Variants in NPEPPS observed in about 807,000 individuals in gnomAD.
NPEPPS encodes the protein puromycin-sensitive aminopeptidase.
A neutral mutation model predicts 115.5 loss-of-function variants in NPEPPS; 14 were observed. That is an observed-to-expected ratio of 0.12 (90% CI 0.08 to 0.19). The LOEUF (loss-of-function observed/expected upper bound fraction) is 0.19, where lower values mean the gene tolerates loss of function less well. Among genes scored for constraint, NPEPPS ranks in the 10% least tolerant of loss-of-function variants. The pLI is 1.00. For missense variants in NPEPPS, 523 were observed against 1,110.8 expected (o/e 0.47, Z 7.52); for synonymous variants, 285 against 390.6 (o/e 0.73, Z 3.19).
intron 2 of NPEPPS, among the ~76,000 whole-genome samples, chr17:47,556,762 G>A (rs1382054238): frequency 1.3e-5 from 2 of 152,196 alleles, no homozygotes; most frequent in African/African-American, 4.8e-5. Context: ...TCTTGCCTCT[G>A]CCTCCCAAGT....
chr17:47,600,271 A>AAAATAAAT (rs568486922), intron 14 of NPEPPS, among the ~76,000 whole-genome samples: 1 of 152,170 alleles, frequency 6.6e-6, no homozygotes, highest in East Asian at 1.9e-4. Context: ...TCATCTCAAA[A>AAAATAAAT]AAATAAATAA....
In NPEPPS at chr17:47,604,068, A is replaced by G; in HGVS notation, c.1875+19A>G. ...CTCCTTGGTGAGCATCTGTGACTTA[A>G]GTAATATGATGGATTTTGCTGATTA... On this transcript the variant is annotated intron_variant, in intron 16 of 22. Coordinates refer to ENST00000322157, the MANE Select transcript of NPEPPS (RefSeq NM_006310.4). 1 of 1,597,348 alleles carries G rather than the reference A, an allele frequency of 6.3e-7. No individual in the cohort carries two copies. The highest frequency in any genetic ancestry group is 8.6e-7 in the Non-Finnish European group (1 of 1,169,074).
upstream of NPEPPS, among the ~76,000 whole-genome samples, chr17:47,527,750 T>G (rs975202014): frequency 2.7e-5 from 4 of 148,538 alleles, no homozygotes; most frequent in African/African-American, 5.0e-5. Flanking sequence ...AAAGAAAAAA[T>G]AAACAAGAAA....
At chr17:47,552,233 G>T (rs1042407582) in intron 2 of NPEPPS, among the ~76,000 whole-genome samples, 1 of 152,054 alleles carries the variant, frequency 6.6e-6, no homozygotes, top group Non-Finnish European at 1.5e-5. Flanking sequence ...AAAGTGCTGG[G>T]ATTACAGATA....
At position 47,622,199 on chromosome 17, in the gene NPEPPS, T is replaced by C. The variant is rs539258699; in HGVS notation, c.*279T>C. 1.1e-4 allele frequency: 76 copies of C among 676,790 alleles called. No homozygotes were observed. In the African/African-American group the frequency reaches 1.3e-3, roughly 12 times the overall value. The allele number at this position is 676,790 out of a possible 1,614,324, so 41.9% of individuals were successfully genotyped here. Reference sequence around the variant, plus strand: ...GAAACTGTGAAACTTTCTGAAGCCTTGTCAGTGGTTAAAAGTATTTAACAC... The same window carrying C: ...GAAACTGTGAAACTTTCTGAAGCCTCGTCAGTGGTTAAAAGTATTTAACAC... On this transcript the variant is annotated 3_prime_UTR_variant, in exon 23 of 23. Transcript: ENST00000322157.
chr17:47,531,589 G>A (rs1415375004), intron 1 of NPEPPS, 34 bp downstream of exon 1: 2 of 1,565,548 alleles, frequency 1.3e-6, no homozygotes, highest in African/African-American at 2.7e-5. Context: ...GGCAAGCTGC[G>A]GGGCGAGCAG....
chr17:47,548,645 C>T (rs114710716), intron 2 of NPEPPS, among the ~76,000 whole-genome samples: 235 of 140,420 alleles, frequency 1.7e-3, no homozygotes, highest in African/African-American at 5.9e-3. Context: ...CAAACGATCT[C>T]GGCTTGCTGC....
intron 2 of NPEPPS, among the ~76,000 whole-genome samples, chr17:47,568,854 C>T (rs1429591298): frequency 6.6e-6 from 1 of 151,322 alleles, no homozygotes; most frequent in African/African-American, 2.4e-5. Context: ...GGGGTTTCTC[C>T]GTGTTGGTCA....
intron 12 of NPEPPS, 178 bp from the exon 13 acceptor site, chr17:47,596,175 A>G (rs895310951): frequency 2.5e-5 from 12 of 482,150 alleles, no homozygotes; most frequent in Non-Finnish European, 4.5e-5. Context: ...TTTTTATGAT[A>G]GAATTTACTT....
At chr17:47,616,784 C>CAAAA in intron 19 of NPEPPS, among the ~76,000 whole-genome samples, 1 of 85,568 alleles carries the variant, frequency 1.2e-5, no homozygotes, top group African/African-American at 4.1e-5. Flanking sequence ...GACTCCATCT[C>CAAAA]AAAAAAAAAA....
intron 1 of NPEPPS, among the ~76,000 whole-genome samples, chr17:47,524,045 C>T (rs1162452481): frequency 6.6e-6 from 1 of 151,314 alleles, no homozygotes; most frequent in Non-Finnish European, 1.5e-5. Flanking sequence ...GTGGCTCATG[C>T]CTGTAATCCC....
At chr17:47,598,763 GT>G (rs1218569017) in intron 13 of NPEPPS, among the ~76,000 whole-genome samples, 2 of 152,326 alleles carry the variant, frequency 1.3e-5, no homozygotes, top group African/African-American at 4.8e-5. Context: ...TACTGAAACT[GT>G]TTCCATCCAG....
At chr17:47,551,071 T>C (rs1286168094) in intron 2 of NPEPPS, among the ~76,000 whole-genome samples, 2 of 152,222 alleles carry the variant, frequency 1.3e-5, no homozygotes, top group Admixed American at 6.6e-5. Context: ...TACAGACTTT[T>C]CTATTTCTCA....
At chr17:47,601,256 A>G (rs542563499) in intron 14 of NPEPPS, among the ~76,000 whole-genome samples, 1 of 151,814 alleles carries the variant, frequency 6.6e-6, no homozygotes, top group African/African-American at 2.4e-5. Flanking sequence ...ATACATACAT[A>G]TATATATATA....
At chr17:47,534,047 T>G (rs1908012537) in intron 1 of NPEPPS, among the ~76,000 whole-genome samples, 1 of 152,186 alleles carries the variant, frequency 6.6e-6, no homozygotes, top group African/African-American at 2.4e-5. Context: ...TACGTTTAAA[T>G]TGTGGCATTA....
rs1162676136 is a variant in NPEPPS, at chr17:47,622,672, A to T, written c.*752A>T. 3.0e-6 allele frequency: 1 copy of T among 330,392 alleles called. No homozygotes were observed. Among genetic ancestry groups the T allele is most frequent in the African/African-American group, 2.2e-5 (1 of 44,564 alleles). 20.5% of individuals were successfully genotyped at this position (330,392 alleles called of 1,614,324 possible). On this transcript the variant is annotated 3_prime_UTR_variant, in exon 23 of 23. Transcript: ENST00000322157. ...AGAGATGAAGAAATAATAAGGAAAC[A>T]TCTTTCATAGCCACATTAAATAAGA... is the stretch of plus-strand genomic sequence containing the variant.
At chr17:47,549,780 C>CAA (rs34434179) in intron 2 of NPEPPS, among the ~76,000 whole-genome samples, 41 of 43,118 alleles carry the variant, frequency 9.5e-4, no homozygotes, top group Admixed American at 1.2e-3. Context: ...GACTCTGTCT[C>CAA]AAAAAAAAAA....
chr17:47,590,856 C>T lies in NPEPPS; in HGVS notation c.1235C>T (p.Ala412Val). Reference protein sequence around the residue: ...ADYTRAQELDALDNSHPIEVS... With the variant: ...ADYTRAQELDVLDNSHPIEVS... ...TACACCCGTGCCCAGGAGCTTGACGCCTTAGATAACAGCCATCCTATTGAA... is the reference window on the plus strand; with the variant it reads ...TACACCCGTGCCCAGGAGCTTGACGTCTTAGATAACAGCCATCCTATTGAA... Residue 412 changes from alanine to valine, a missense_variant, in exon 10 of 23, where the codon GCC (alanine) becomes GTC (valine). Ala to Val is a moderately conservative substitution (Grantham distance 64, BLOSUM62 0). Coordinates refer to ENST00000322157, the MANE Select transcript of NPEPPS (RefSeq NM_006310.4). 1 of 1,593,846 alleles carries T rather than the reference C, an allele frequency of 6.3e-7. No homozygotes were observed. Among genetic ancestry groups the T allele is most frequent in the Non-Finnish European group, 8.6e-7 (1 of 1,167,840 alleles).
intron 3 of NPEPPS, among the ~76,000 whole-genome samples, chr17:47,578,214 AAAAGAG>A (rs1389922743): frequency 2.3e-4 from 29 of 123,806 alleles, no homozygotes; most frequent in East Asian, 2.0e-3. Context: ...AAAAAAAAAA[AAAAGAG>A]AGAAAGTCAC....
Sources: allele counts gnomAD v4.1 joint callset (sites outside exome capture counted in the v4.1 genomes callset), GRCh38; gene constraint gnomAD v4.1.1; transcripts MANE v1.5; gene names NCBI Gene and HGNC (gene_info 2026-07-23, HGNC 2026-07-21).